The following NSL1 variants were observed in gnomAD, a reference collection of about 807,000 sequenced individuals.
The protein encoded by NSL1 is kinetochore-associated protein NSL1 homolog.
Under a neutral mutation model 25.4 loss-of-function variants are expected in NSL1, and 11 were observed. The observed-to-expected ratio is 0.43, with a 90% CI of 0.27 to 0.72. The LOEUF is 0.72. NSL1 is among the 30% of genes least tolerant of loss of function. The pLI is 0.19. For missense variants in NSL1, 330 were observed against 342.7 expected (o/e 0.96, Z 0.29); for synonymous variants, 118 against 120.6 (o/e 0.98, Z 0.14).
At chr1:212,787,504 A>G (rs1660994159) in intron 2 of NSL1, 55 bp downstream of exon 2, 1 of 1,359,166 alleles carries the variant, frequency 7.4e-7, no homozygotes. Flanking sequence ...ATTCAAAACA[A>G]AATTAGCTGC....
intron 4 of NSL1, among the ~76,000 whole-genome samples, chr1:212,779,772 G>T: frequency 7.9e-6 from 1 of 126,574 alleles, no homozygotes; most frequent in African/African-American, 3.0e-5. Context: ...GCCCCGTCCG[G>T]GAGGGAGGTG....
In NSL1 at chr1:212,726,864, C is replaced by T. The variant is rs982196213; in HGVS notation, c.*11544G>A. 8 of 357,400 alleles carry T rather than the reference C, an allele frequency of 2.2e-5. No homozygotes were observed. The highest frequency in any genetic ancestry group is 8.9e-5 in the Admixed American group (2 of 22,434). 22.1% of individuals were successfully genotyped at this position (357,400 alleles called of 1,614,324 possible). On this transcript the variant is annotated 3_prime_UTR_variant, in exon 6 of 6. Coordinates refer to ENST00000366977, the MANE Select transcript of NSL1 (RefSeq NM_015471.4). The stretch of plus-strand genomic sequence containing the variant: ...AATGACTTCTGTGCAACAACAGAGC[C>T]GAGCCCGGTCCCAGGGGCTGGATGG...
Position 212,736,452 on chromosome 1 carries a change from T to C in NSL1, c.*1956A>G. ...CCTTAAAACTACAGACTTTCTTGCT[T>C]TTAATCCTTAGCTTACTAGTTCTTG... On this transcript the variant is annotated 3_prime_UTR_variant, in exon 6 of 6. Transcript: ENST00000366977. The C allele has an allele frequency of 2.0e-6, 2 of 985,422 alleles. No homozygotes were observed. Among genetic ancestry groups the C allele is most frequent in the Non-Finnish European group, 2.4e-6 (2 of 829,882 alleles). The allele number at this position is 985,422 out of a possible 1,614,324, so 61.0% of individuals were successfully genotyped here.
intron 4 of NSL1, among the ~76,000 whole-genome samples, chr1:212,749,196 ATATT>A (rs973460770): frequency 1.3e-5 from 2 of 152,186 alleles, no homozygotes; most frequent in African/African-American, 2.4e-5. Flanking sequence ...AATGAACAAA[ATATT>A]TATTAACATT....
chr1:212,730,048 C>G lies in NSL1; in HGVS notation c.*8360G>C. 1.1e-6 allele frequency: 1 copy of G among 923,950 alleles called. No individual in the cohort carries two copies. The highest frequency in any genetic ancestry group is 1.8e-5 in the African/African-American group (1 of 55,812). 57.2% of individuals were successfully genotyped at this position (923,950 alleles called of 1,614,324 possible). ...AGTGGATCACCTGAGGTCAGGAGTT[C>G]GAGACCAGCCTGACCAACATGGCAA... On this transcript the variant is annotated 3_prime_UTR_variant, in exon 6 of 6. Coordinates refer to ENST00000366977, the MANE Select transcript of NSL1 (RefSeq NM_015471.4).
At chr1:212,782,145 CT>C in intron 4 of NSL1, 1 of 711,330 alleles carries the variant, frequency 1.4e-6, no homozygotes. Context: ...CAGGCAAGAA[CT>C]TTATAAAAGC....
intron 4 of NSL1, among the ~76,000 whole-genome samples, chr1:212,756,844 A>G (rs1571884610): frequency 1.3e-5 from 2 of 152,294 alleles, no homozygotes; most frequent in East Asian, 3.9e-4. Context: ...AAAAGAAAAA[A>G]GAGGGAAAAC....
At position 212,733,430 on chromosome 1, in the gene NSL1, TCA is replaced by T. The variant is rs753066363; in HGVS notation, c.*4976_*4977del. 0.061 allele frequency among the ~76,000 whole-genome samples: 3,278 copies of T among 53,442 alleles called. 54 individuals are homozygous for T. Among genetic ancestry groups the T allele is most frequent in the South Asian group, 0.12 (193 of 1,614 alleles). The allele number at this position is 53,442 out of a possible 152,430, so 35.1% of individuals were successfully genotyped here. A position where few individuals can be genotyped will look rare whatever the true frequency, so the allele number is the denominator to read the frequency against. On this transcript the variant is annotated 3_prime_UTR_variant, in exon 6 of 6. Coordinates refer to ENST00000366977, the MANE Select transcript of NSL1 (RefSeq NM_015471.4). ...TTGGGCAACACAGCAAGACCTTGTT[TCA>T]CAAAAAAAAAAAAAAAAAAATCCCA...
intron 3 of NSL1, 64 bp downstream of exon 3, chr1:212,784,299 T>A: frequency 8.7e-7 from 1 of 1,151,806 alleles, no homozygotes; most frequent in Admixed American, 2.2e-5. Flanking sequence ...ACGTAGAGCC[T>A]TATATTTTAA....
chr1:212,778,771 T>A (rs1660512567), intron 4 of NSL1, among the ~76,000 whole-genome samples: 1 of 152,058 alleles, frequency 6.6e-6, no homozygotes, highest in Admixed American at 6.6e-5. Context: ...CCCAGCAGCC[T>A]GCCTTGGCCT....
chr1:212,782,856 T>C (rs1457307035), intron 3 of NSL1, among the ~76,000 whole-genome samples: 1 of 152,136 alleles, frequency 6.6e-6, no homozygotes, highest in East Asian at 1.9e-4. Context: ...ACCACCACAC[T>C]AAGCCTATAT....
intron 4 of NSL1, among the ~76,000 whole-genome samples, chr1:212,745,177 T>A (rs1344704398): frequency 1.7e-4 from 9 of 51,660 alleles, no homozygotes; most frequent in East Asian, 4.3e-4. Flanking sequence ...TATATATATA[T>A]ATATATATAT....
In NSL1 at chr1:212,727,106, G is replaced by A; in HGVS notation, c.*11302C>T. ...TCTTCATCTTGCCAGTTCACCAGAGGCAGAAGGGATGAAGGTTCCCCGATC... is the reference window on the plus strand; with the variant it reads ...TCTTCATCTTGCCAGTTCACCAGAGACAGAAGGGATGAAGGTTCCCCGATC... On this transcript the variant is annotated 3_prime_UTR_variant, in exon 6 of 6. Transcript: ENST00000366977. The A allele has an allele frequency of 6.4e-7, 1 of 1,557,876 alleles. No individual in the cohort carries two copies. Among genetic ancestry groups the A allele is most frequent in the Non-Finnish European group, 8.7e-7 (1 of 1,151,602 alleles).
At chr1:212,763,233 T>C (rs1659654437) in intron 4 of NSL1, among the ~76,000 whole-genome samples, 1 of 152,150 alleles carries the variant, frequency 6.6e-6, no homozygotes, top group African/African-American at 2.4e-5. Flanking sequence ...TTAACTACCC[T>C]CTGGAACATT....
Position 212,729,050 on chromosome 1 carries a change from G to A in NSL1, c.*9358C>T. 1 of 985,416 alleles carries A rather than the reference G, an allele frequency of 1.0e-6. No individual in the cohort carries two copies. Among genetic ancestry groups the A allele is most frequent in the Middle Eastern group, 5.2e-4 (1 of 1,914 alleles). 61.0% of individuals were successfully genotyped at this position (985,416 alleles called of 1,614,324 possible). On this transcript the variant is annotated 3_prime_UTR_variant, in exon 6 of 6. Coordinates refer to ENST00000366977, the MANE Select transcript of NSL1 (RefSeq NM_015471.4). ...AATTTTTTTTAAAGGAAGAATACTTGGGTTGGGCTTACAAGAAAAATAAAT... is the reference window on the plus strand; with the variant it reads ...AATTTTTTTTAAAGGAAGAATACTTAGGTTGGGCTTACAAGAAAAATAAAT...
chr1:212,730,901 G>A lies in NSL1; in HGVS notation c.*7507C>T. ...CCACAAGCCATTAATGTGTGAGATT[G>A]TGATCCAGGGAAACCGACAAGTTAG... On this transcript the variant is annotated 3_prime_UTR_variant, in exon 6 of 6. Coordinates refer to ENST00000366977, the MANE Select transcript of NSL1 (RefSeq NM_015471.4). The A allele has an allele frequency of 1.0e-6, 1 of 985,380 alleles. No individual in the cohort carries two copies. The highest frequency in any genetic ancestry group is 1.2e-6 in the Non-Finnish European group (1 of 829,928). The allele number at this position is 985,380 out of a possible 1,614,324, so 61.0% of individuals were successfully genotyped here. A position where few individuals can be genotyped will look rare whatever the true frequency, so the allele number is the denominator to read the frequency against.
Position 212,728,881 on chromosome 1 carries a change from G to A in NSL1, c.*9527C>T, listed in dbSNP as rs1451910622. The stretch of plus-strand genomic sequence containing the variant: ...GCAAGACTGGGAGTGCTGGGGGTGG[G>A]GAGGCCAGAGTCCACCACTCTGGCA... On this transcript the variant is annotated 3_prime_UTR_variant, in exon 6 of 6. Coordinates refer to ENST00000366977, the MANE Select transcript of NSL1 (RefSeq NM_015471.4). 5 of 985,236 alleles carry A rather than the reference G, an allele frequency of 5.1e-6. No homozygotes were observed. The highest frequency in any genetic ancestry group is 6.0e-6 in the Non-Finnish European group (5 of 829,928). 61.0% of individuals were successfully genotyped at this position (985,236 alleles called of 1,614,324 possible).
At chr1:212,788,007 AG>A (rs1661016055) in intron 1 of NSL1, among the ~76,000 whole-genome samples, 1 of 152,244 alleles carries the variant, frequency 6.6e-6, no homozygotes, top group Non-Finnish European at 1.5e-5. Flanking sequence ...TGTTAACAAG[AG>A]GGAAAACATA....
rs1357999259 is a variant in NSL1, at chr1:212,765,716, G to C, written c.499+16656C>G. ...AGCTACTCAGAAGGCTGAGGCAGGAGAATCGCTTGAACCTGGAAAGTGGAG... is the reference window on the plus strand; with the variant it reads ...AGCTACTCAGAAGGCTGAGGCAGGACAATCGCTTGAACCTGGAAAGTGGAG... On this transcript the variant is annotated intron_variant, in intron 4 of 5. Transcript: ENST00000366977. 3.3e-5 allele frequency among the ~76,000 whole-genome samples: 5 copies of C among 152,012 alleles called. No individual in the cohort carries two copies. In the South Asian group the frequency reaches 6.2e-4, roughly 19 times the overall value.
Sources: allele counts gnomAD v4.1 joint callset (sites outside exome capture counted in the v4.1 genomes callset), GRCh38; gene constraint gnomAD v4.1.1; transcripts MANE v1.5; gene names NCBI Gene and HGNC (gene_info 2026-07-23, HGNC 2026-07-21).